ERGIC1: variants seen among roughly 807,000 people sequenced by gnomAD.
ERGIC1 encodes the protein endoplasmic reticulum-golgi intermediate compartment 1, also known as endoplasmic reticulum-Golgi intermediate compartment protein 1.
ERGIC1 carries 19 observed loss-of-function variants against 38.3 expected under a neutral mutation model. The observed-to-expected ratio is 0.50, with a 90% confidence interval of 0.35 to 0.73. The LOEUF (loss-of-function observed/expected upper bound fraction) is 0.73. Ranked by LOEUF, ERGIC1 falls within the 30% of genes least tolerant of loss-of-function variation. ERGIC1 has a pLI of 0.01. For synonymous variants in ERGIC1, 124 were observed against 157.6 expected, an observed-to-expected ratio of 0.79 and a Z score of 1.60; for missense variants, 294 against 389.2, an observed-to-expected ratio of 0.76 and a Z score of 2.06.
At chr5:172,940,514 G>A (rs1039190187) in intron 9 of ERGIC1, among the ~76,000 whole-genome samples, 15 of 152,148 alleles carry the variant, frequency 9.9e-5, no homozygotes, top group African/African-American at 3.6e-4. Context: ...AGACTGGAGG[G>A]CTTCAGAGGT....
chr5:172,904,458 T>C (rs1182799687), intron 3 of ERGIC1, among the ~76,000 whole-genome samples: 1 of 152,150 alleles, frequency 6.6e-6, no homozygotes, highest in African/African-American at 2.4e-5. Context: ...GTCCTAGGTC[T>C]CCCAGCTCCT....
intron 1 of ERGIC1, among the ~76,000 whole-genome samples, chr5:172,880,244 C>T (rs951701126): frequency 1.3e-5 from 2 of 152,114 alleles, no homozygotes; most frequent in African/African-American, 4.8e-5. Flanking sequence ...GCCATGTTGG[C>T]TAGGATGGTC....
At chr5:172,879,230 C>G (rs1487842336) in intron 1 of ERGIC1, among the ~76,000 whole-genome samples, 1 of 152,200 alleles carries the variant, frequency 6.6e-6, no homozygotes, top group African/African-American at 2.4e-5. Context: ...CAGATGAAAT[C>G]CATTAGTCAG....
chr5:172,857,457 T>C (rs949806958), intron 1 of ERGIC1, among the ~76,000 whole-genome samples: 1 of 152,166 alleles, frequency 6.6e-6, no homozygotes, highest in African/African-American at 2.4e-5. Flanking sequence ...AGCCTGGGAC[T>C]CACTGCCTTG....
At position 172,910,520 on chromosome 5, in the gene ERGIC1, CTTTTTTTT is replaced by C. The variant is rs58360974; in HGVS notation, c.250+773_250+780del. ...TTTTAACCAAAAGAATGAATTACTT[CTTTTTTTT>C]TTTTTTTTTTTTTGAGACGGAGTTT... On this transcript the variant is annotated intron_variant, in intron 4 of 9. Transcript: ENST00000393784. Among the ~76,000 whole-genome samples the C allele has an allele frequency of 1.7e-3, 232 of 138,950 alleles. 4 individuals carry two copies. In the South Asian group the frequency reaches 0.028, roughly 17 times the overall value. The allele number at this position is 138,950 out of a possible 152,430, so 91.2% of individuals were successfully genotyped here.
At chr5:172,854,217 CAA>C (rs748064393) in intron 1 of ERGIC1, among the ~76,000 whole-genome samples, 9 of 122,706 alleles carry the variant, frequency 7.3e-5, no homozygotes, top group Admixed American at 2.5e-4. Flanking sequence ...TCCATCTCTA[CAA>C]AAAAAAAAAA....
chr5:172,927,705 G>A (rs975179451), intron 7 of ERGIC1, among the ~76,000 whole-genome samples: 1 of 151,000 alleles, frequency 6.6e-6, no homozygotes, highest in Non-Finnish European at 1.5e-5. Context: ...TCAGTCTCCC[G>A]AGCAGCTGGG....
intron 4 of ERGIC1, among the ~76,000 whole-genome samples, chr5:172,912,315 G>T (rs369811620): frequency 6.6e-6 from 1 of 152,116 alleles, no homozygotes; most frequent in African/African-American, 2.4e-5. Context: ...TAGTGGTGAG[G>T]TCTCTGTGCC....
intron 2 of ERGIC1, among the ~76,000 whole-genome samples, chr5:172,893,935 G>GTGTGTGTGTGTATATATATA (rs1429850022): frequency 8.4e-4 from 36 of 42,772 alleles, no homozygotes; most frequent in Non-Finnish European, 1.6e-3. Context: ...GTGTGTGTGT[G>GTGTGTGTGTGTATATATATA]TATATATATA....
chr5:172,920,665 C>T, intron 5 of ERGIC1: 1 of 553,942 alleles, frequency 1.8e-6, no homozygotes, highest in Non-Finnish European at 3.2e-6. Flanking sequence ...GTTCCTGAGT[C>T]ACAGCCTCGC....
chr5:172,935,140 C>A (rs1046167901), intron 8 of ERGIC1, 48 bp from the exon 9 acceptor site: 3 of 1,612,854 alleles, frequency 1.9e-6, no homozygotes, highest in South Asian at 1.1e-5. Context: ...GTCCCCGCCC[C>A]CCCTGAGACA....
intron 9 of ERGIC1, 22 bp downstream of exon 9, chr5:172,935,332 G>GGCC: frequency 1.2e-6 from 2 of 1,613,784 alleles, no homozygotes; most frequent in Non-Finnish European, 1.7e-6. Context: ...GGGGCAGTGG[G>GGCC]TGGGGCCCTG....
At chr5:172,930,942 G>A (rs574153038) in intron 7 of ERGIC1, among the ~76,000 whole-genome samples, 5 of 152,236 alleles carry the variant, frequency 3.3e-5, no homozygotes, top group South Asian at 2.1e-4. Flanking sequence ...TGGGCTCTGC[G>A]GCTGCAGGAC....
At chr5:172,944,111 T>A (rs1463580583) in intron 9 of ERGIC1, among the ~76,000 whole-genome samples, 1 of 152,128 alleles carries the variant, frequency 6.6e-6, no homozygotes, top group Non-Finnish European at 1.5e-5. Flanking sequence ...GGGGCCCAGG[T>A]ATTGAATTGT....
intron 5 of ERGIC1, among the ~76,000 whole-genome samples, chr5:172,919,479 T>C: frequency 6.6e-6 from 1 of 152,098 alleles, no homozygotes; most frequent in Middle Eastern, 3.2e-3. Context: ...CGCCCAAGAC[T>C]GCAGTCTGCT....
At chr5:172,880,596 G>T (rs2113218360) in intron 1 of ERGIC1, among the ~76,000 whole-genome samples, 1 of 152,338 alleles carries the variant, frequency 6.6e-6, no homozygotes, top group South Asian at 2.1e-4. Context: ...AGAGTGCTGG[G>T]ATGACAGGCG....
chr5:172,887,140 G>A (rs1056451993), intron 1 of ERGIC1, among the ~76,000 whole-genome samples: 2 of 152,164 alleles, frequency 1.3e-5, no homozygotes, highest in Admixed American at 6.5e-5. Flanking sequence ...CGGCCCTTAC[G>A]CAAGGTTTCC....
intron 9 of ERGIC1, chr5:172,937,556 G>A (rs527785629): frequency 6.6e-6 from 1 of 152,376 alleles, no homozygotes; most frequent in Admixed American, 6.5e-5. Flanking sequence ...TGTAGTTTCA[G>A]CTAGTTGGGA....
rs532996982 is a variant in ERGIC1 at position 172,917,071 on chromosome 5, T to C, written c.375+2233T>C. 5 of 152,240 alleles carry C rather than the reference T, an allele frequency of 3.3e-5. No individual in the cohort carries two copies. In the East Asian group the frequency reaches 9.7e-4, roughly 29 times the overall value. The allele number at this position is 152,240 out of a possible 1,614,324, so 9.4% of individuals were successfully genotyped here. A position where few individuals can be genotyped will look rare whatever the true frequency, so the allele number is the denominator to read the frequency against. On this transcript the variant is annotated intron_variant, in intron 5 of 9. Transcript: ENST00000393784. Reference sequence around the variant, plus strand: ...TGGAGCTGGGGAGATGTGGTCGGATTAGGGAGGTAGAATCAATAAGACTCA... The same window carrying C: ...TGGAGCTGGGGAGATGTGGTCGGATCAGGGAGGTAGAATCAATAAGACTCA...
Sources: gnomAD v4.1 joint callset for allele counts (sites outside exome capture counted in the v4.1 genomes callset) on GRCh38, gnomAD v4.1.1 for gene constraint, MANE v1.5 for transcripts, NCBI Gene and HGNC (gene_info 2026-07-23, HGNC 2026-07-21) for gene names.